The following PDE1C variants were observed in gnomAD, a reference collection of about 807,000 sequenced individuals.
PDE1C encodes phosphodiesterase 1C.
A neutral mutation model predicts 93.1 loss-of-function variants in PDE1C; 62 were observed. That is an observed-to-expected ratio of 0.67 (90% CI 0.54 to 0.82). The LOEUF (loss-of-function observed/expected upper bound fraction) is 0.82, where lower values mean the gene tolerates loss of function less well. PDE1C is among the 40% of genes least tolerant of loss of function. The pLI, the probability that PDE1C is intolerant of heterozygous loss-of-function variation, is 0.00. For synonymous variants in PDE1C, 325 were observed against 310.1 expected, an observed-to-expected ratio of 1.05 and a Z score of -0.50; for missense variants, 742 against 884.6, an observed-to-expected ratio of 0.84 and a Z score of 2.04.
chr7:31,862,525 C>T (rs369320133), intron 7 of PDE1C, among the ~76,000 whole-genome samples: 15 of 93,408 alleles, frequency 1.6e-4, no homozygotes, highest in South Asian at 3.2e-4. Context: ...AAGATCAAGG[C>T]GCTGGTAGAT....
At position 32,375,117 on chromosome 7, in the gene PDE1C, A is replaced by G. The variant is rs559043232; in HGVS notation, c.310+52705T>C. On this transcript the variant is annotated intron_variant, in intron 1 of 1. Transcript: ENST00000672256. ...CATACGGTATCCCAGGGCTACTAGC[A>G]GCCAGTTGTTACCTCCTCTGGGCTC... 5.3e-5 allele frequency among the ~76,000 whole-genome samples: 8 copies of G among 152,338 alleles called. No individual in the cohort carries two copies. In the South Asian group the frequency reaches 1.5e-3, roughly 28 times the overall value.
At chr7:32,254,653 A>C (rs895354900) in intron 1 of PDE1C, among the ~76,000 whole-genome samples, 2 of 152,158 alleles carry the variant, frequency 1.3e-5, no homozygotes, top group Non-Finnish European at 2.9e-5. Flanking sequence ...ATGCAGAGTA[A>C]GTGTGTATGT....
At chr7:31,968,823 G>C (rs552091471) in intron 2 of PDE1C, among the ~76,000 whole-genome samples, 15 of 152,106 alleles carry the variant, frequency 9.9e-5, no homozygotes, top group Admixed American at 2.6e-4. Flanking sequence ...CAGAAATAAT[G>C]CTGCTTATCT....
intron 1 of PDE1C, among the ~76,000 whole-genome samples, chr7:32,268,149 C>T (rs1810738349): frequency 6.6e-6 from 1 of 152,222 alleles, no homozygotes; most frequent in Non-Finnish European, 1.5e-5. Context: ...GATACTTAGC[C>T]TAAGTCCTGA....
At chr7:32,413,155 G>C (rs140527813) in intron 1 of PDE1C, among the ~76,000 whole-genome samples, 3 of 152,108 alleles carry the variant, frequency 2.0e-5, no homozygotes, top group Non-Finnish European at 4.4e-5. Context: ...CTAGTTAGTG[G>C]TATGCTTGTG....
intron 1 of PDE1C, among the ~76,000 whole-genome samples, chr7:32,254,633 G>A (rs1239016121): frequency 2.0e-5 from 3 of 152,180 alleles, no homozygotes; most frequent in African/African-American, 7.2e-5. Context: ...GCACCAACTT[G>A]GGGAAATCGA....
At chr7:31,724,634 G>C in the PDE1C span, among the ~76,000 whole-genome samples, 1 of 152,166 alleles carries the variant, frequency 6.6e-6, no homozygotes, top group Non-Finnish European at 1.5e-5. Context: ...ATAACTAGAA[G>C]TTTCTAGTAG....
In PDE1C at chr7:32,242,810, A is replaced by G. The variant is rs1808637693; in HGVS notation, c.86-33271T>C. 2.0e-5 allele frequency among the ~76,000 whole-genome samples: 3 copies of G among 152,202 alleles called. No homozygotes were observed. In the South Asian group the frequency reaches 6.2e-4, roughly 32 times the overall value. On this transcript the variant is annotated intron_variant, in intron 1 of 18. Coordinates refer to the PDE1C transcript ENST00000396193. ...CCAGTGGAAATAGTGTCCTCCAAAGACAACCCAGTTTTAGTTGAAGCAAAA... is the reference window on the plus strand; with the variant it reads ...CCAGTGGAAATAGTGTCCTCCAAAGGCAACCCAGTTTTAGTTGAAGCAAAA...
At chr7:31,948,882 G>A (rs1420208808) in intron 2 of PDE1C, among the ~76,000 whole-genome samples, 1 of 152,180 alleles carries the variant, frequency 6.6e-6, no homozygotes, top group African/African-American at 2.4e-5. Context: ...TCTAAAGGCA[G>A]TGAACTAAAA....
chr7:31,860,359 G>A (rs182158530), intron 7 of PDE1C, among the ~76,000 whole-genome samples: 2 of 152,196 alleles, frequency 1.3e-5, no homozygotes, highest in East Asian at 1.9e-4. Flanking sequence ...GGCCCCAAAC[G>A]TCAATAGTGC....
At chr7:32,201,266 T>C (rs1804991738) in intron 2 of PDE1C, among the ~76,000 whole-genome samples, 1 of 152,216 alleles carries the variant, frequency 6.6e-6, no homozygotes, top group African/African-American at 2.4e-5. Context: ...TGCCGAAACC[T>C]AAAACTTCAT....
At chr7:31,952,795 A>T (rs144926146) in intron 2 of PDE1C, among the ~76,000 whole-genome samples, 7 of 152,304 alleles carry the variant, frequency 4.6e-5, no homozygotes, top group African/African-American at 9.6e-5. Context: ...AAATATAAAT[A>T]AACTTATTTA....
chr7:32,367,378 C>G (rs188421541), intron 1 of PDE1C, among the ~76,000 whole-genome samples: 1 of 152,176 alleles, frequency 6.6e-6, no homozygotes, highest in African/African-American at 2.4e-5. Context: ...ATGAAAAGAG[C>G]AAATAAAATG....
intron 1 of PDE1C, among the ~76,000 whole-genome samples, chr7:32,407,373 C>G (rs1785076700): frequency 6.6e-6 from 1 of 152,160 alleles, no homozygotes; most frequent in Non-Finnish European, 1.5e-5. Context: ...GAGGGAAGAA[C>G]AGCCTCCAAT....
chr7:31,702,806 T>C, the PDE1C span, among the ~76,000 whole-genome samples: 1 of 152,224 alleles, frequency 6.6e-6, no homozygotes, highest in Non-Finnish European at 1.5e-5. Flanking sequence ...GCTGGTTTGA[T>C]GTTTTATCTG....
At chr7:32,123,305 C>T (rs1799399349) in intron 3 of PDE1C, among the ~76,000 whole-genome samples, 1 of 152,130 alleles carries the variant, frequency 6.6e-6, no homozygotes, top group Admixed American at 6.5e-5. Context: ...TGGTACAATT[C>T]CTTCTGAAAC....
chr7:32,133,165 G>A (rs1227551702), intron 3 of PDE1C, among the ~76,000 whole-genome samples: 7 of 152,190 alleles, frequency 4.6e-5, no homozygotes, highest in Non-Finnish European at 8.8e-5. Flanking sequence ...AAATTTGGCA[G>A]TCATGGACAT....
At chr7:31,704,617 T>C in the PDE1C span, among the ~76,000 whole-genome samples, 1 of 152,236 alleles carries the variant, frequency 6.6e-6, no homozygotes, top group African/African-American at 2.4e-5. Flanking sequence ...ATGTGAAATA[T>C]GCGGTAACAG....
At position 31,753,957 on chromosome 7, in the gene PDE1C, C is replaced by A. The variant is rs76330800; in HGVS notation, c.1961-404G>T. On this transcript the variant is annotated intron_variant, in intron 17 of 17. Coordinates refer to ENST00000396191, the MANE Select transcript of PDE1C (RefSeq NM_001191057.4). ...TAGTGTTTGGAAAGTGGCACTCAAT[C>A]CCCAAGGGATACTTAAAAGTGCATC... is the stretch of plus-strand genomic sequence containing the variant. Among the ~76,000 whole-genome samples the A allele has an allele frequency of 3.7e-3, 557 of 152,204 alleles. 2 individuals carry two copies. The highest frequency in any genetic ancestry group is 0.013 in the African/African-American group (540 of 41,526).
Sources: allele counts gnomAD v4.1 joint callset (sites outside exome capture counted in the v4.1 genomes callset), GRCh38; gene constraint gnomAD v4.1.1; transcripts MANE v1.5; gene names NCBI Gene and HGNC (gene_info 2026-07-23, HGNC 2026-07-21).